Variants in CBR4 observed in about 807,000 individuals in gnomAD.
The protein encoded by CBR4 is 3-oxoacyl-[acyl-carrier-protein] reductase.
A neutral mutation model predicts 21.0 loss-of-function variants in CBR4; 22 were observed. The ratio of observed to expected loss-of-function variants is 1.05; its 90% CI spans 0.75 to 1.50. The LOEUF (loss-of-function observed/expected upper bound fraction) is 1.50, where lower values mean the gene tolerates loss of function less well. CBR4 is among the 40% of genes most tolerant of loss of function. The pLI is 0.00. For synonymous variants in CBR4, 100 were observed against 104.4 expected (o/e 0.96, Z 0.26); for missense variants, 302 against 286.3 (o/e 1.05, Z -0.40).
intron 4 of CBR4, 170 bp downstream of exon 4, chr4:169,001,901 G>T: frequency 2.0e-6 from 1 of 506,022 alleles, no homozygotes; most frequent in Non-Finnish European, 3.4e-6. Context: ...ACTTTATATA[G>T]AATATGAGGT....
intron 2 of CBR4, among the ~76,000 whole-genome samples, chr4:168,956,356 A>T (rs528747915): frequency 2.0e-5 from 3 of 152,182 alleles, no homozygotes; most frequent in African/African-American, 7.2e-5. Flanking sequence ...CTGTAATCCT[A>T]GCACTTTGGG....
intron 2 of CBR4, among the ~76,000 whole-genome samples, chr4:168,957,545 C>G (rs887066534): frequency 6.6e-6 from 1 of 152,164 alleles, no homozygotes; most frequent in African/African-American, 2.4e-5. Flanking sequence ...TATACACCCA[C>G]GAAACTGCTA....
chr4:168,907,580 C>G (rs1455342850), intron 2 of CBR4, among the ~76,000 whole-genome samples: 1 of 152,168 alleles, frequency 6.6e-6, no homozygotes, highest in East Asian at 1.9e-4. Context: ...GGAAGCTGCT[C>G]TCTACTCTCA....
downstream of CBR4, among the ~76,000 whole-genome samples, chr4:168,985,933 G>C (rs1212304179): frequency 6.6e-6 from 1 of 152,108 alleles, no homozygotes; most frequent in African/African-American, 2.4e-5. Context: ...GGATGGAGAA[G>C]ATTGAAAAAC....
At chr4:168,945,563 G>A (rs1240974672) in intron 2 of CBR4, among the ~76,000 whole-genome samples, 1 of 152,136 alleles carries the variant, frequency 6.6e-6, no homozygotes, top group African/African-American at 2.4e-5. Flanking sequence ...CACTTGATTT[G>A]TTCAGGCTCC....
At chr4:168,953,566 C>G (rs1161472506) in intron 2 of CBR4, among the ~76,000 whole-genome samples, 1 of 151,776 alleles carries the variant, frequency 6.6e-6, no homozygotes, top group Non-Finnish European at 1.5e-5. Flanking sequence ...GCTGGGACCA[C>G]AGCATGCACC....
intron 2 of CBR4, among the ~76,000 whole-genome samples, chr4:168,952,270 A>ATT (rs917306355): frequency 1.9e-4 from 28 of 148,728 alleles, no homozygotes; most frequent in African/African-American, 6.9e-4. Context: ...TGAAGTTTTG[A>ATT]TTTTTTTTTT....
At position 168,990,215 on chromosome 4, in the gene CBR4, A is replaced by C. The variant is rs1247661641; in HGVS notation, c.649T>G (p.Leu217Val). 7 of 1,613,314 alleles carry C rather than the reference A, an allele frequency of 4.3e-6. No individual in the cohort carries two copies. In the Admixed American group the frequency reaches 1.2e-4, roughly 27 times the overall value. ...IEVAHAVVFL[L>V]ESPYITGHVL... ...TGCCCTGTAATATACGGTGATTCTAAAAGAAACACAACCGCATGTGCCACC... is the reference window on the plus strand; with the variant it reads ...TGCCCTGTAATATACGGTGATTCTACAAGAAACACAACCGCATGTGCCACC... The change falls in exon 5 of 5, where the codon TTA (leucine) becomes GTA (valine). Residue 217 changes from leucine to valine, a missense_variant. By Grantham distance (32) the Leu-to-Val change is conservative. Coordinates refer to ENST00000306193, the MANE Select transcript of CBR4 (RefSeq NM_032783.5).
downstream of CBR4, among the ~76,000 whole-genome samples, chr4:168,986,406 C>T (rs978613063): frequency 6.6e-6 from 1 of 152,104 alleles, no homozygotes; most frequent in African/African-American, 2.4e-5. Context: ...TCAAATTCCC[C>T]TAATTATTTA....
intron 2 of CBR4, among the ~76,000 whole-genome samples, chr4:168,921,981 C>T (rs1761605018): frequency 6.6e-6 from 1 of 151,848 alleles, no homozygotes; most frequent in Non-Finnish European, 1.5e-5. Flanking sequence ...TTGGGTCATT[C>T]GACCTCCTGT....
At chr4:168,930,685 A>G (rs561078533) in intron 2 of CBR4, among the ~76,000 whole-genome samples, 151 of 152,318 alleles carry the variant, frequency 9.9e-4, no homozygotes, top group African/African-American at 3.3e-3. Context: ...AGAAGGCAGC[A>G]TGGAGACACC....
intron 3 of CBR4, chr4:169,005,373 C>T (rs1411095907): frequency 6.6e-6 from 1 of 152,534 alleles, no homozygotes; most frequent in Non-Finnish European, 1.5e-5. Context: ...GCTGCTTTAG[C>T]AGCTTTGATT....
chr4:168,966,282 G>A (rs1196904404), intron 2 of CBR4, among the ~76,000 whole-genome samples: 3 of 151,172 alleles, frequency 2.0e-5, no homozygotes, highest in African/African-American at 4.9e-5. Flanking sequence ...GGGAGGCCGA[G>A]GAGGGCGGAC....
intron 2 of CBR4, chr4:168,926,442 T>C: frequency 8.0e-7 from 1 of 1,245,648 alleles, no homozygotes; most frequent in East Asian, 2.5e-5. Flanking sequence ...GACCAACATA[T>C]TCCTTTGTCA....
At chr4:168,939,628 C>T (rs1416203758) in intron 2 of CBR4, among the ~76,000 whole-genome samples, 1 of 152,154 alleles carries the variant, frequency 6.6e-6, no homozygotes, top group Non-Finnish European at 1.5e-5. Flanking sequence ...GAGCAAAAAT[C>T]ACAAGCATTC....
chr4:168,920,343 G>A (rs761655396), intron 2 of CBR4, among the ~76,000 whole-genome samples: 1 of 152,232 alleles, frequency 6.6e-6, no homozygotes, highest in Non-Finnish European at 1.5e-5. Flanking sequence ...TGCTACATGT[G>A]TGGTGGGAGG....
chr4:168,895,469 G>A (rs563165352), intron 2 of CBR4, among the ~76,000 whole-genome samples: 1 of 152,334 alleles, frequency 6.6e-6, no homozygotes, highest in South Asian at 2.1e-4. Flanking sequence ...AAGCCTTACT[G>A]ATAACAAAGA....
At chr4:168,994,785 G>A (rs1465541381) in intron 4 of CBR4, among the ~76,000 whole-genome samples, 1 of 132,294 alleles carries the variant, frequency 7.6e-6, no homozygotes. Flanking sequence ...ACGGAGTTTG[G>A]CTCCTGTCAC....
At chr4:168,917,291 G>A (rs1390811663) in intron 2 of CBR4, among the ~76,000 whole-genome samples, 4 of 151,864 alleles carry the variant, frequency 2.6e-5, no homozygotes, top group African/African-American at 9.7e-5. Flanking sequence ...CTCGTGATCC[G>A]CCCTCCTCGG....
Sources: allele counts gnomAD v4.1 joint callset (sites outside exome capture counted in the v4.1 genomes callset), GRCh38; gene constraint gnomAD v4.1.1; transcripts MANE v1.5; gene names NCBI Gene and HGNC (gene_info 2026-07-23, HGNC 2026-07-21).